The following SLC2A13 variants were observed in gnomAD, a reference collection of about 807,000 sequenced individuals.
SLC2A13 encodes proton myo-inositol cotransporter.
Under a neutral mutation model 64.4 loss-of-function variants are expected in SLC2A13, and 32 were observed. That is an observed-to-expected ratio of 0.50 (90% confidence interval 0.37 to 0.67). The LOEUF (loss-of-function observed/expected upper bound fraction) is 0.67, where lower values mean the gene tolerates loss of function less well. SLC2A13 is among the 30% of genes least tolerant of loss of function. SLC2A13 has a pLI of 0.00. For synonymous variants in SLC2A13, 338 were observed against 327.1 expected, an observed-to-expected ratio of 1.03 and a Z score of -0.36; for missense variants, 743 against 829.2, an observed-to-expected ratio of 0.90 and a Z score of 1.28.
intron 3 of SLC2A13, among the ~76,000 whole-genome samples, chr12:39,977,814 C>T (rs1227002363): frequency 2.6e-5 from 4 of 152,242 alleles, no homozygotes; most frequent in Non-Finnish European, 5.9e-5. Flanking sequence ...AGAAGAGATT[C>T]CTATAAATTA....
intron 3 of SLC2A13, among the ~76,000 whole-genome samples, chr12:40,012,042 C>CTGCT (rs1351860737): frequency 2.6e-5 from 4 of 152,202 alleles, no homozygotes; most frequent in Non-Finnish European, 5.9e-5. Context: ...ACATAAAGAT[C>CTGCT]TGCTGCATCT....
chr12:40,073,502 A>C (rs1938044120), intron 1 of SLC2A13, among the ~76,000 whole-genome samples: 1 of 152,064 alleles, frequency 6.6e-6, no homozygotes, highest in Non-Finnish European at 1.5e-5. Flanking sequence ...ACCTTCATTT[A>C]TTTCTCTCCA....
chr12:39,965,266 A>G (rs1946489527), intron 3 of SLC2A13, among the ~76,000 whole-genome samples: 1 of 135,606 alleles, frequency 7.4e-6, no homozygotes, highest in African/African-American at 2.5e-5. Context: ...ACCAAAAATG[A>G]ATTAATATTG....
intron 3 of SLC2A13, among the ~76,000 whole-genome samples, chr12:39,961,524 G>C (rs894725295): frequency 2.0e-5 from 3 of 151,920 alleles, no homozygotes; most frequent in Non-Finnish European, 4.4e-5. Context: ...TTTATGACAG[G>C]GTCTCACTCT....
At chr12:39,886,319 C>G (rs1012001553) in intron 4 of SLC2A13, among the ~76,000 whole-genome samples, 3 of 151,902 alleles carry the variant, frequency 2.0e-5, no homozygotes, top group African/African-American at 7.3e-5. Context: ...AAGGGAGAGG[C>G]CTATAATTAC....
chr12:39,929,089 C>T (rs1403640933), intron 4 of SLC2A13, among the ~76,000 whole-genome samples: 1 of 151,812 alleles, frequency 6.6e-6, no homozygotes, highest in Non-Finnish European at 1.5e-5. Flanking sequence ...CAAGGAGTGG[C>T]AAGAAAATGA....
chr12:39,805,185 G>T (rs543571569), intron 7 of SLC2A13, among the ~76,000 whole-genome samples: 106 of 152,334 alleles, frequency 7.0e-4, no homozygotes, highest in Non-Finnish European at 1.2e-3. Flanking sequence ...GCCAGAATGT[G>T]TAGGACTCTG....
At chr12:39,867,355 T>C (rs1424760882) in intron 5 of SLC2A13, among the ~76,000 whole-genome samples, 1 of 152,154 alleles carries the variant, frequency 6.6e-6, no homozygotes, top group Non-Finnish European at 1.5e-5. Context: ...ACATATCCAG[T>C]AAGGTCCAAT....
intron 9 of SLC2A13, 90 bp from the exon 10 acceptor site, chr12:39,760,342 G>T: frequency 8.5e-7 from 1 of 1,183,080 alleles, no homozygotes. Flanking sequence ...TTTTTTTTCT[G>T]GTCAGTCATG....
At chr12:39,947,165 A>G (rs1946150066) in intron 4 of SLC2A13, among the ~76,000 whole-genome samples, 1 of 152,156 alleles carries the variant, frequency 6.6e-6, no homozygotes. Flanking sequence ...TGGCAATATT[A>G]CTCTGCAAGG....
At chr12:39,837,938 C>A (rs867811980) in intron 6 of SLC2A13, among the ~76,000 whole-genome samples, 1 of 150,970 alleles carries the variant, frequency 6.6e-6, no homozygotes, top group Non-Finnish European at 1.5e-5. Flanking sequence ...TGTGGCGATT[C>A]CTCAGGGATC....
At chr12:39,932,721 C>A in intron 4 of SLC2A13, among the ~76,000 whole-genome samples, 1 of 152,138 alleles carries the variant, frequency 6.6e-6, no homozygotes, top group East Asian at 1.9e-4. Context: ...ACGCAAGTGA[C>A]AAGGAAGCAG....
chr12:39,876,761 G>T (rs192034751), intron 4 of SLC2A13, among the ~76,000 whole-genome samples: 1 of 151,990 alleles, frequency 6.6e-6, no homozygotes, highest in South Asian at 2.1e-4. Flanking sequence ...TCTGGCATGG[G>T]ACTATAAAGA....
intron 6 of SLC2A13, among the ~76,000 whole-genome samples, chr12:39,859,400 C>T (rs1255065162): frequency 6.8e-6 from 1 of 146,486 alleles, no homozygotes; most frequent in South Asian, 2.2e-4. Context: ...ACTGGCATCA[C>T]CTGGGGAGCA....
intron 4 of SLC2A13, among the ~76,000 whole-genome samples, chr12:39,916,251 CTG>C (rs1945519965): frequency 6.6e-6 from 1 of 151,834 alleles, no homozygotes; most frequent in Non-Finnish European, 1.5e-5. Context: ...TAGAAAAAGA[CTG>C]AACATAATCA....
intron 2 of SLC2A13, among the ~76,000 whole-genome samples, chr12:40,043,042 G>A (rs532578917): frequency 3.3e-5 from 5 of 151,720 alleles, no homozygotes; most frequent in Middle Eastern, 3.5e-3. Context: ...AAGTGGAGTC[G>A]GGGGCAACAC....
At chr12:39,962,960 A>G (rs1464405059) in intron 3 of SLC2A13, among the ~76,000 whole-genome samples, 1 of 152,202 alleles carries the variant, frequency 6.6e-6, no homozygotes, top group African/African-American at 2.4e-5. Context: ...TAAGCTCTCT[A>G]GTAGAATTTC....
intron 2 of SLC2A13, among the ~76,000 whole-genome samples, chr12:40,037,965 T>C (rs1367495258): frequency 6.6e-6 from 1 of 152,230 alleles, no homozygotes; most frequent in African/African-American, 2.4e-5. Context: ...TGTATCAATT[T>C]GATTAATCTT....
chr12:39,903,180 A>G (rs1945181297), intron 4 of SLC2A13, among the ~76,000 whole-genome samples: 2 of 152,184 alleles, frequency 1.3e-5, no homozygotes, highest in Non-Finnish European at 1.5e-5. Context: ...TCTGAATAGC[A>G]TTATGAACCT....
Sources: allele counts gnomAD v4.1 joint callset (sites outside exome capture counted in the v4.1 genomes callset), GRCh38; gene constraint gnomAD v4.1.1; transcripts MANE v1.5; gene names NCBI Gene and HGNC (gene_info 2026-07-23, HGNC 2026-07-21).